Variants in FHIP1A observed in about 807,000 individuals in gnomAD.
FHIP1A encodes the protein FHF complex subunit HOOK interacting protein 1A.
In FHIP1A, 61 loss-of-function variants were observed where a neutral mutation model predicts 88.6. That is an observed-to-expected ratio of 0.69 (90% CI 0.56 to 0.85). The LOEUF is 0.85. Among genes scored for constraint, FHIP1A ranks in the 40% least tolerant of loss-of-function variants. The pLI, the probability that FHIP1A is intolerant of heterozygous loss-of-function variation, is 0.00. For missense variants in FHIP1A, 1,154 were observed against 1,273.5 expected (o/e 0.91, Z 1.43); for synonymous variants, 478 against 496.0 (o/e 0.96, Z 0.48).
chr4:151,509,052 C>T (rs1197298845), intron 3 of FHIP1A, among the ~76,000 whole-genome samples: 1 of 152,128 alleles, frequency 6.6e-6, no homozygotes, highest in Non-Finnish European at 1.5e-5. Flanking sequence ...TGGGGCTTCC[C>T]ATGTACAAAT....
At chr4:151,538,569 T>C (rs1352462773) in intron 3 of FHIP1A, among the ~76,000 whole-genome samples, 1 of 152,240 alleles carries the variant, frequency 6.6e-6, no homozygotes, top group African/African-American at 2.4e-5. Context: ...CCTTGAGCCA[T>C]TACTATTTCT....
rs1202066993 is a variant in FHIP1A at position 151,629,840 on chromosome 4, C to T, written c.1117C>T (p.Leu373Phe). Residue 373 changes from leucine to phenylalanine, a missense_variant, in exon 8 of 14, where the codon CTC (leucine) becomes TTC (phenylalanine). Physicochemically the swap from Leu to Phe is conservative, Grantham distance 22. Transcript: ENST00000435205. The part of the protein sequence containing the change: ...QHENVHILDT[L>F]TSRINTPFRL... ...CGAGAATGTCCACATCCTAGACACT[C>T]TCACGAGTCGAATCAACACCCCGTT... The T allele has an allele frequency of 1.9e-6, 3 of 1,551,262 alleles. No individual in the cohort carries two copies. The highest frequency in any genetic ancestry group is 2.6e-6 in the Non-Finnish European group (3 of 1,146,778).
intron 3 of FHIP1A, among the ~76,000 whole-genome samples, chr4:151,557,499 C>T (rs897506815): frequency 3.9e-5 from 6 of 152,154 alleles, no homozygotes; most frequent in African/African-American, 1.4e-4. Context: ...ATTAAAGAAG[C>T]ATAGATAGCC....
At chr4:151,654,072 G>T (rs1270735761) in intron 11 of FHIP1A, among the ~76,000 whole-genome samples, 3 of 139,888 alleles carry the variant, frequency 2.1e-5, no homozygotes, top group African/African-American at 5.2e-5. Flanking sequence ...GTTAAGCAGG[G>T]TTTTTTTTTT....
intron 7 of FHIP1A, among the ~76,000 whole-genome samples, chr4:151,595,374 C>T (rs1249117351): frequency 6.6e-6 from 1 of 152,100 alleles, no homozygotes; most frequent in Non-Finnish European, 1.5e-5. Flanking sequence ...AATTTGATTG[C>T]ACTGTGGTTG....
rs944854869 is a variant in FHIP1A, at chr4:151,456,071, GA to G, written c.-248+1271del. On this transcript the variant is annotated intron_variant, in intron 2 of 13. Transcript: ENST00000435205. The stretch of plus-strand genomic sequence containing the variant: ...ACCTTCTTAACATACATCATCTATG[GA>G]AAAAAAAGCTGTTAAGGCACCAAAA... Among the ~76,000 whole-genome samples, 28 of 151,210 alleles carry G rather than the reference GA, an allele frequency of 1.9e-4. 1 individual carries two copies. The highest frequency in any genetic ancestry group is 1.8e-3 in the Admixed American group (27 of 15,180).
At chr4:151,414,399 T>G (rs1357728204) in intron 1 of FHIP1A, among the ~76,000 whole-genome samples, 1 of 152,228 alleles carries the variant, frequency 6.6e-6, no homozygotes, top group Non-Finnish European at 1.5e-5. Context: ...GACTATAGAT[T>G]CAAAAGTATT....
chr4:151,562,193 A>G (rs994543074), intron 3 of FHIP1A, among the ~76,000 whole-genome samples: 14 of 152,170 alleles, frequency 9.2e-5, no homozygotes, highest in African/African-American at 3.4e-4. Context: ...ACTCTTAGCC[A>G]TTACCCTTTG....
intron 4 of FHIP1A, among the ~76,000 whole-genome samples, chr4:151,566,806 TC>T (rs771173788): frequency 1.3e-5 from 2 of 152,198 alleles, no homozygotes; most frequent in Non-Finnish European, 2.9e-5. Flanking sequence ...TTTAATCTTG[TC>T]CACAAACCTG....
rs182426438 is a variant in FHIP1A, at chr4:151,518,833, A to G, written c.-123+36185A>G. Among the ~76,000 whole-genome samples, 153 of 151,972 alleles carry G rather than the reference A, an allele frequency of 1.0e-3. 2 individuals are homozygous for G. In the South Asian group the frequency reaches 0.031, roughly 31 times the overall value. ...CGCCACCATGCCCAGCTAATTTTTTAAAACTGTTTTTATTGTGACAAAAAA... is the reference window on the plus strand; with the variant it reads ...CGCCACCATGCCCAGCTAATTTTTTGAAACTGTTTTTATTGTGACAAAAAA... On this transcript the variant is annotated intron_variant, in intron 3 of 13. Transcript: ENST00000435205.
At chr4:151,510,617 C>T (rs955807129) in intron 3 of FHIP1A, among the ~76,000 whole-genome samples, 12 of 152,150 alleles carry the variant, frequency 7.9e-5, no homozygotes, top group Admixed American at 7.2e-4. Flanking sequence ...TTACTATAGT[C>T]GGGATTCAGC....
chr4:151,524,833 G>C (rs1049930855), intron 3 of FHIP1A, among the ~76,000 whole-genome samples: 1 of 152,194 alleles, frequency 6.6e-6, no homozygotes, highest in Non-Finnish European at 1.5e-5. Flanking sequence ...AGGACAGCAG[G>C]AAATGCCTTT....
chr4:151,592,922 C>T (rs1235667462), intron 7 of FHIP1A, among the ~76,000 whole-genome samples: 1 of 152,084 alleles, frequency 6.6e-6, no homozygotes, highest in South Asian at 2.1e-4. Flanking sequence ...TTTAATCCAT[C>T]GTGAATTAAT....
At chr4:151,633,777 C>CA (rs1560811327) in intron 8 of FHIP1A, among the ~76,000 whole-genome samples, 1 of 151,800 alleles carries the variant, frequency 6.6e-6, no homozygotes, top group East Asian at 1.9e-4. Context: ...AAGCACTCAA[C>CA]AAACTAGAAA....
intron 2 of FHIP1A, among the ~76,000 whole-genome samples, chr4:151,476,792 A>C (rs1729723947): frequency 6.6e-6 from 1 of 152,184 alleles, no homozygotes; most frequent in African/African-American, 2.4e-5. Context: ...ATAATCTATA[A>C]ATGTGCCTGG....
chr4:151,523,720 A>G (rs1000937581), intron 3 of FHIP1A, among the ~76,000 whole-genome samples: 2 of 152,190 alleles, frequency 1.3e-5, no homozygotes, highest in African/African-American at 4.8e-5. Flanking sequence ...TAGCCTTATC[A>G]AGAACCTTCT....
intron 1 of FHIP1A, among the ~76,000 whole-genome samples, chr4:151,452,704 T>C (rs1297834951): frequency 6.6e-6 from 1 of 151,242 alleles, no homozygotes; most frequent in Non-Finnish European, 1.5e-5. Context: ...TTGAACCCAG[T>C]AGGCAGAGGT....
intron 9 of FHIP1A, among the ~76,000 whole-genome samples, chr4:151,644,907 G>A (rs1736733361): frequency 6.6e-6 from 1 of 152,176 alleles, no homozygotes; most frequent in Non-Finnish European, 1.5e-5. Flanking sequence ...TCACACAGAG[G>A]TGCGAGAATG....
At chr4:151,491,522 C>G (rs1730281181) in intron 3 of FHIP1A, among the ~76,000 whole-genome samples, 1 of 151,588 alleles carries the variant, frequency 6.6e-6, no homozygotes, top group Non-Finnish European at 1.5e-5. Flanking sequence ...CAACATACAC[C>G]AAAATAGAAC....
Sources: gnomAD v4.1 joint callset for allele counts (sites outside exome capture counted in the v4.1 genomes callset) on GRCh38, gnomAD v4.1.1 for gene constraint, MANE v1.5 for transcripts, NCBI Gene and HGNC (gene_info 2026-07-23, HGNC 2026-07-21) for gene names.